Variants in IGFL2 observed in about 807,000 individuals in gnomAD.
The protein encoded by IGFL2 is IGF like family member 2.
Under a neutral mutation model 13.9 loss-of-function variants are expected in IGFL2, and 7 were observed. That is an observed-to-expected ratio of 0.51 (90% confidence interval 0.29 to 0.95). IGFL2 has a LOEUF of 0.95. Among genes scored for constraint, IGFL2 ranks in the 40% least tolerant of loss-of-function variants. The probability of loss-of-function intolerance (pLI) is 0.08; values close to 1 mark genes in which losing one functional copy is unlikely to be tolerated. For synonymous variants in IGFL2, 55 were observed against 55.8 expected (o/e 0.99, Z 0.07); for missense variants, 138 against 147.8 (o/e 0.93, Z 0.34).
chr19:46,100,260 A>G, the IGFL2 span, among the ~76,000 whole-genome samples: 1 of 152,272 alleles, frequency 6.6e-6, no homozygotes, highest in South Asian at 2.1e-4. Flanking sequence ...GAGTTTGTCT[A>G]GTTTCAATCT....
At chr19:46,167,189 C>T in the IGFL2 span, among the ~76,000 whole-genome samples, 1 of 152,350 alleles carries the variant, frequency 6.6e-6, no homozygotes, top group East Asian at 1.9e-4. Flanking sequence ...GTTCTTCTGT[C>T]ATGGCTTCAG....
upstream of IGFL2, among the ~76,000 whole-genome samples, chr19:46,147,599 G>A (rs771305967): frequency 2.0e-5 from 3 of 152,172 alleles, no homozygotes; most frequent in Non-Finnish European, 4.4e-5. Context: ...AATAGGCGAC[G>A]TCTGGGAAGA....
chr19:46,094,421 G>A, the IGFL2 span, among the ~76,000 whole-genome samples: 1 of 151,980 alleles, frequency 6.6e-6, no homozygotes, highest in Non-Finnish European at 1.5e-5. Context: ...AATGATAGAA[G>A]TCTATAGAGC....
the IGFL2 span, among the ~76,000 whole-genome samples, chr19:46,098,202 A>T: frequency 0.011 from 1,658 of 152,258 alleles, 20 homozygotes; most frequent in African/African-American, 0.036. Flanking sequence ...GGGTGCATAT[A>T]TATTTAGGAT....
the IGFL2 span, among the ~76,000 whole-genome samples, chr19:46,200,513 T>TTTCTTTTCTTTTCTTTTCTC: frequency 6.6e-6 from 1 of 151,076 alleles, no homozygotes; most frequent in South Asian, 2.1e-4. Flanking sequence ...TCTTTTCTCT[T>TTTCTTTTCTTTTCTTTTCTC]TTCTTTTCTT....
chr19:46,129,424 C>G, the IGFL2 span, among the ~76,000 whole-genome samples: 5 of 150,854 alleles, frequency 3.3e-5, no homozygotes, highest in Non-Finnish European at 7.4e-5. Flanking sequence ...TTTGTTTGCT[C>G]TGGGTTCTCT....
the IGFL2 span, among the ~76,000 whole-genome samples, chr19:46,107,372 A>G: frequency 6.6e-6 from 1 of 152,204 alleles, no homozygotes; most frequent in Non-Finnish European, 1.5e-5. Context: ...CCAGAGTTCC[A>G]GGGGCTCTGG....
the IGFL2 span, among the ~76,000 whole-genome samples, chr19:46,167,795 T>G: frequency 6.6e-6 from 1 of 152,160 alleles, no homozygotes; most frequent in South Asian, 2.1e-4. Flanking sequence ...GAGCTTGTAC[T>G]CTCCCTGCAC....
chr19:46,183,265 A>G, the IGFL2 span, among the ~76,000 whole-genome samples: 3 of 152,190 alleles, frequency 2.0e-5, no homozygotes, highest in East Asian at 1.9e-4. Flanking sequence ...CCATCATCCA[A>G]TCACCTCCCA....
upstream of IGFL2, among the ~76,000 whole-genome samples, chr19:46,138,189 G>T (rs1339941877): frequency 6.6e-6 from 1 of 152,064 alleles, no homozygotes; most frequent in Non-Finnish European, 1.5e-5. Flanking sequence ...CCTTTGGATG[G>T]GGCTTTTGGG....
chr19:46,156,879 T>C (rs1448703766), intron 1 of IGFL2, among the ~76,000 whole-genome samples: 1 of 152,174 alleles, frequency 6.6e-6, no homozygotes, highest in Admixed American at 6.5e-5. Flanking sequence ...AATAATCTTT[T>C]GATAGTTTTA....
the IGFL2 span, among the ~76,000 whole-genome samples, chr19:46,186,502 C>A: frequency 6.6e-6 from 1 of 151,426 alleles, no homozygotes; most frequent in African/African-American, 2.4e-5. Flanking sequence ...GGAAAGAGTG[C>A]TATGGCCTGG....
intron 1 of IGFL2, among the ~76,000 whole-genome samples, chr19:46,154,229 T>C (rs1379871449): frequency 2.0e-5 from 3 of 152,166 alleles, no homozygotes; most frequent in Non-Finnish European, 4.4e-5. Flanking sequence ...TCTGCCTCTG[T>C]TGGTATCACT....
the IGFL2 span, among the ~76,000 whole-genome samples, chr19:46,131,431 A>T: frequency 6.6e-6 from 1 of 152,240 alleles, no homozygotes; most frequent in Non-Finnish European, 1.5e-5. Flanking sequence ...CTCCTAAAAA[A>T]TAGCAAAATT....
chr19:46,177,683 T>G, the IGFL2 span, among the ~76,000 whole-genome samples: 7 of 152,122 alleles, frequency 4.6e-5, no homozygotes, highest in Non-Finnish European at 8.8e-5. Context: ...TGCTGTCCTG[T>G]GATTCCACCC....
the IGFL2 span, among the ~76,000 whole-genome samples, chr19:46,169,452 GGA>G: frequency 1.3e-5 from 2 of 152,048 alleles, no homozygotes; most frequent in Non-Finnish European, 2.9e-5. Context: ...AGAAGAAAGT[GGA>G]GAGAGAGAGT....
At chr19:46,133,513 T>C in the IGFL2 span, among the ~76,000 whole-genome samples, 1 of 152,172 alleles carries the variant, frequency 6.6e-6, no homozygotes, top group Non-Finnish European at 1.5e-5. Flanking sequence ...TGTGGAATGC[T>C]GAGAGAGGCA....
the IGFL2 span, among the ~76,000 whole-genome samples, chr19:46,129,577 T>A: frequency 6.6e-6 from 1 of 152,180 alleles, no homozygotes; most frequent in Non-Finnish European, 1.5e-5. Flanking sequence ...TCTCATTGGT[T>A]TCAAATAGCT....
At chr19:46,205,419 C>T in the IGFL2 span, among the ~76,000 whole-genome samples, 16 of 152,250 alleles carry the variant, frequency 1.1e-4, no homozygotes, top group Admixed American at 2.0e-4. Flanking sequence ...ATGGCATCCA[C>T]CAAGTGGAAA....
Sources: allele counts gnomAD v4.1 joint callset (sites outside exome capture counted in the v4.1 genomes callset), GRCh38; gene constraint gnomAD v4.1.1; transcripts MANE v1.5; gene names NCBI Gene and HGNC (gene_info 2026-07-23, HGNC 2026-07-21).